The following SRBD1 variants were observed in gnomAD, a reference collection of about 807,000 sequenced individuals.
The protein encoded by SRBD1 is S1 RNA binding domain 1.
SRBD1 carries 88 observed loss-of-function variants against 115.3 expected under a neutral mutation model. The observed-to-expected ratio is 0.76, with a 90% CI of 0.64 to 0.91. SRBD1 has a LOEUF of 0.91. Ranked by LOEUF, SRBD1 falls within the 40% of genes least tolerant of loss-of-function variation. The pLI is 0.00. For synonymous variants in SRBD1, 509 were observed against 407.7 expected (o/e 1.25, Z -2.99); for missense variants, 1,385 against 1,177.4 (o/e 1.18, Z -2.58).
chr2:45,579,081 T>C (rs1199747317), intron 7 of SRBD1, among the ~76,000 whole-genome samples: 1 of 152,212 alleles, frequency 6.6e-6, no homozygotes, highest in Non-Finnish European at 1.5e-5. Flanking sequence ...AGCGAATTCC[T>C]GAGAAAAAGC....
chr2:45,463,588 G>C (rs1669391068), intron 16 of SRBD1, among the ~76,000 whole-genome samples: 2 of 151,782 alleles, frequency 1.3e-5, no homozygotes, highest in Non-Finnish European at 2.9e-5. Context: ...TCTTATATTT[G>C]GGTTCTCAAC....
intron 5 of SRBD1, among the ~76,000 whole-genome samples, chr2:45,585,210 CA>C (rs1189555718): frequency 6.6e-6 from 1 of 151,714 alleles, no homozygotes; most frequent in Non-Finnish European, 1.5e-5. Context: ...TCTATACTGC[CA>C]AAGAACTCTC....
At chr2:45,541,836 C>A (rs191870230) in intron 14 of SRBD1, among the ~76,000 whole-genome samples, 23 of 152,318 alleles carry the variant, frequency 1.5e-4, no homozygotes, top group Non-Finnish European at 3.1e-4. Context: ...CTGGCTGAGT[C>A]CAGGGTTTTT....
At chr2:45,583,991 T>C (rs898936165) in intron 5 of SRBD1, among the ~76,000 whole-genome samples, 1 of 152,216 alleles carries the variant, frequency 6.6e-6, no homozygotes. Context: ...ATTGTTAGAC[T>C]ACCCTTTAAT....
intron 16 of SRBD1, among the ~76,000 whole-genome samples, chr2:45,432,020 T>G (rs1256729809): frequency 1.4e-5 from 2 of 148,096 alleles, no homozygotes; most frequent in Non-Finnish European, 3.0e-5. Context: ...TTTATTTATT[T>G]ATTTATTTAT....
chr2:45,445,550 TAAAAAAAAAAAAAAAA>T (rs59451865), intron 16 of SRBD1, among the ~76,000 whole-genome samples: 4 of 37,026 alleles, frequency 1.1e-4, no homozygotes, highest in African/African-American at 2.2e-4. Flanking sequence ...TTCCCAGAGG[TAAAAAAAAAAAAAAAA>T]AAAAAAAAAA....
At chr2:45,489,353 T>C (rs1670223340) in intron 14 of SRBD1, among the ~76,000 whole-genome samples, 1 of 152,194 alleles carries the variant, frequency 6.6e-6, no homozygotes, top group Admixed American at 6.5e-5. Context: ...ATGGATGACA[T>C]GTAACGTACT....
intron 19 of SRBD1, among the ~76,000 whole-genome samples, chr2:45,402,542 T>C (rs922769592): frequency 3.3e-5 from 5 of 152,212 alleles, no homozygotes; most frequent in African/African-American, 1.2e-4. Context: ...CTGCATGTGA[T>C]ATTCCTGCTA....
chr2:45,475,500 C>G (rs890005325), intron 16 of SRBD1, among the ~76,000 whole-genome samples: 1 of 152,176 alleles, frequency 6.6e-6, no homozygotes, highest in African/African-American at 2.4e-5. Flanking sequence ...AACGTTATCT[C>G]TGAATCCCAA....
intron 16 of SRBD1, among the ~76,000 whole-genome samples, chr2:45,433,211 G>A (rs371317972): frequency 6.6e-6 from 1 of 152,246 alleles, no homozygotes; most frequent in East Asian, 1.9e-4. Flanking sequence ...CTTTACAGGT[G>A]CTCGGTCACT....
rs562560787 is a variant in SRBD1 at position 45,598,604 on chromosome 2, C to CA, written c.648+844dup. On this transcript the variant is annotated intron_variant, in intron 4 of 20. Transcript: ENST00000263736. The stretch of plus-strand genomic sequence containing the variant: ...TGGGCGACAGAGCAAGACACCGTCT[C>CA]AAAAAAAAAAAAAAATTACGTTTTA... Among the ~76,000 whole-genome samples the CA allele has an allele frequency of 7.2e-3, 826 of 114,250 alleles. 4 individuals carry two copies. The highest frequency in any genetic ancestry group is 0.019 in the South Asian group (72 of 3,712). 75.0% of individuals were successfully genotyped at this position (114,250 alleles called of 152,430 possible).
chr2:45,588,319 C>T (rs1410101977), intron 4 of SRBD1, among the ~76,000 whole-genome samples: 2 of 152,204 alleles, frequency 1.3e-5, no homozygotes, highest in African/African-American at 4.8e-5. Context: ...AGATGCCAGC[C>T]CAATAGCCTT....
At chr2:45,556,433 C>T (rs964565000) in intron 10 of SRBD1, among the ~76,000 whole-genome samples, 11 of 142,632 alleles carry the variant, frequency 7.7e-5, no homozygotes. Context: ...ATCTGTTCTG[C>T]TCTATGCTCT....
intron 19 of SRBD1, 91 bp from the exon 20 acceptor site, chr2:45,393,220 T>G (rs933900667): frequency 1.5e-6 from 2 of 1,290,814 alleles, no homozygotes; most frequent in African/African-American, 3.0e-5. Context: ...TCATTCATCT[T>G]AGACCCATAG....
intron 19 of SRBD1, among the ~76,000 whole-genome samples, chr2:45,412,359 T>A (rs3770245): frequency 0.045 from 6,903 of 152,202 alleles, 305 homozygotes; most frequent in East Asian, 0.14. Context: ...AAGTTTTCTA[T>A]AATATACTAT....
chr2:45,549,744 T>C (rs1022946993), intron 12 of SRBD1, among the ~76,000 whole-genome samples: 1 of 147,834 alleles, frequency 6.8e-6, no homozygotes, highest in African/African-American at 2.5e-5. Context: ...GTGCCTATGG[T>C]CCCAGCTACT....
At chr2:45,547,467 G>A (rs1672155841) in intron 13 of SRBD1, 55 bp downstream of exon 13, 2 of 1,477,266 alleles carry the variant, frequency 1.4e-6, no homozygotes, top group Admixed American at 1.8e-5. Flanking sequence ...GGCTTCAAAG[G>A]TATCTCTGGT....
At chr2:45,594,780 A>G (rs1293235246) in intron 4 of SRBD1, among the ~76,000 whole-genome samples, 1 of 152,216 alleles carries the variant, frequency 6.6e-6, no homozygotes, top group Non-Finnish European at 1.5e-5. Flanking sequence ...TTTAGTCACC[A>G]AACTAAAACA....
At position 45,522,455 on chromosome 2, in the gene SRBD1, G is replaced by C. The variant is rs147621628; in HGVS notation, c.1874+24277C>G. ...AGCCTTCCAAAGTGCTGGGATTATG[G>C]GCATGAGCCATGCATGGTGCCTGGC... is the stretch of plus-strand genomic sequence containing the variant. On this transcript the variant is annotated intron_variant, in intron 14 of 20. Coordinates refer to ENST00000263736, the MANE Select transcript of SRBD1 (RefSeq NM_018079.5). 3.4e-3 allele frequency among the ~76,000 whole-genome samples: 515 copies of C among 152,210 alleles called. 4 individuals carry two copies. Among genetic ancestry groups the C allele is most frequent in the African/African-American group, 0.011 (477 of 41,542 alleles).
Sources: allele counts gnomAD v4.1 joint callset (sites outside exome capture counted in the v4.1 genomes callset), GRCh38; gene constraint gnomAD v4.1.1; transcripts MANE v1.5; gene names NCBI Gene and HGNC (gene_info 2026-07-23, HGNC 2026-07-21).